Variants in SNRPN observed in about 807,000 individuals in gnomAD.
The protein encoded by SNRPN is small nuclear ribonucleoprotein-associated protein N.
A neutral mutation model predicts 25.2 loss-of-function variants in SNRPN; 7 were observed. That is an observed-to-expected ratio of 0.28 (90% CI 0.16 to 0.52). The LOEUF is 0.52. Ranked by LOEUF, SNRPN falls within the 20% of genes least tolerant of loss-of-function variation. The probability of loss-of-function intolerance (pLI) is 0.96; values close to 1 mark genes in which losing one functional copy is unlikely to be tolerated. For synonymous variants in SNRPN, 124 were observed against 110.6 expected (o/e 1.12, Z -0.76); for missense variants, 196 against 322.5 (o/e 0.61, Z 3.00).
upstream of SNRPN, among the ~76,000 whole-genome samples, chr15:24,951,216 C>A (rs958141657): frequency 6.6e-6 from 1 of 151,972 alleles, no homozygotes; most frequent in Non-Finnish European, 1.5e-5. Context: ...CATATGGTAA[C>A]TTCAGGGTTA....
chr15:24,833,047 G>A (rs1042510011), intron 2 of SNRPN, among the ~76,000 whole-genome samples: 2 of 141,024 alleles, frequency 1.4e-5, no homozygotes, highest in African/African-American at 5.3e-5. Flanking sequence ...GGAGCTTGCA[G>A]TGAGCCAAGA....
intron 1 of SNRPN, among the ~76,000 whole-genome samples, chr15:24,863,094 T>G (rs983006852): frequency 6.6e-6 from 1 of 150,546 alleles, no homozygotes; most frequent in Non-Finnish European, 1.5e-5. Context: ...AGGAAGACAG[T>G]TGGAACAAGT....
Position 24,918,597 on chromosome 15 carries a change from T to TGTGC in SNRPN, c.-504-1414_-504-1413insGTGC, listed in dbSNP as rs1555395844. Among the ~76,000 whole-genome samples, 196 of 91,948 alleles carry TGTGC rather than the reference T, an allele frequency of 2.1e-3. 8 individuals are homozygous for TGTGC. Among genetic ancestry groups the TGTGC allele is most frequent in the Non-Finnish European group, 3.1e-3 (147 of 47,328 alleles). The allele number at this position is 91,948 out of a possible 152,430, so 60.3% of individuals were successfully genotyped here. A position where few individuals can be genotyped will look rare whatever the true frequency, so the allele number is the denominator to read the frequency against. The stretch of plus-strand genomic sequence containing the variant: ...GTATATATATAACATAATATATATG[T>TGTGC]ATATATATAACATAATATATATGTG... On this transcript the variant is annotated intron_variant, in intron 2 of 11. Coordinates refer to the SNRPN transcript ENST00000400097.
intron 3 of SNRPN, among the ~76,000 whole-genome samples, chr15:24,945,756 C>T (rs1434965748): frequency 6.6e-6 from 1 of 152,158 alleles, no homozygotes; most frequent in Non-Finnish European, 1.5e-5. Flanking sequence ...CTGAGCCTAT[C>T]TTGGGATTTT....
Position 24,907,780 on chromosome 15 carries a change from C to T in SNRPN, c.-504-12231C>T, listed in dbSNP as rs188005391. Among the ~76,000 whole-genome samples, 6 of 151,984 alleles carry T rather than the reference C, an allele frequency of 3.9e-5. No individual in the cohort carries two copies. In the East Asian group the frequency reaches 5.9e-4, roughly 15 times the overall value. On this transcript the variant is annotated intron_variant, in intron 2 of 11. Coordinates refer to the SNRPN transcript ENST00000400097. ...CCTTGAAAGCACAGAGTAGGCCAGGCGCGGTGGCTCACACTTGTAATCCCA... is the reference window on the plus strand; with the variant it reads ...CCTTGAAAGCACAGAGTAGGCCAGGTGCGGTGGCTCACACTTGTAATCCCA...
chr15:24,873,499 G>C (rs1397817555), intron 1 of SNRPN, among the ~76,000 whole-genome samples: 3 of 144,490 alleles, frequency 2.1e-5, no homozygotes, highest in Non-Finnish European at 3.0e-5. Context: ...CCAGGCTAGA[G>C]TGCAGTGGTG....
chr15:24,890,785 A>G (rs1488729298), intron 2 of SNRPN, among the ~76,000 whole-genome samples: 1 of 152,248 alleles, frequency 6.6e-6, no homozygotes, highest in Non-Finnish European at 1.5e-5. Flanking sequence ...ACGTTAAGTA[A>G]ATATATTATG....
At chr15:24,928,762 T>C (rs955295090) in intron 3 of SNRPN, among the ~76,000 whole-genome samples, 2 of 152,050 alleles carry the variant, frequency 1.3e-5, no homozygotes, top group African/African-American at 4.8e-5. Context: ...CATGCCATCA[T>C]GCCTAGCTAT....
At chr15:24,848,049 C>T (rs2052359148) in intron 2 of SNRPN, among the ~76,000 whole-genome samples, 2 of 151,978 alleles carry the variant, frequency 1.3e-5, no homozygotes, top group Non-Finnish European at 2.9e-5. Flanking sequence ...TGCATTCGCT[C>T]ATGTCTCCGT....
intron 1 of SNRPN, among the ~76,000 whole-genome samples, chr15:24,956,205 C>CT (rs957743673): frequency 1.3e-5 from 2 of 152,010 alleles, no homozygotes; most frequent in African/African-American, 2.4e-5. Context: ...CTGGGGGTTA[C>CT]TTTTTTTTCA....
At chr15:24,969,534 CTAAT>C (rs1566968665) in intron 3 of SNRPN, among the ~76,000 whole-genome samples, 3 of 152,178 alleles carry the variant, frequency 2.0e-5, no homozygotes, top group Non-Finnish European at 4.4e-5. Context: ...AAATTGGAAT[CTAAT>C]CATTGTCCAA....
intron 2 of SNRPN, among the ~76,000 whole-genome samples, chr15:24,965,535 A>T (rs952321688): frequency 1.3e-5 from 2 of 152,170 alleles, no homozygotes; most frequent in African/African-American, 4.8e-5. Context: ...ACTCCATCTC[A>T]AAATAAAGTA....
At chr15:24,950,635 C>T (rs1042774689), upstream of SNRPN, among the ~76,000 whole-genome samples, 1 of 149,142 alleles carries the variant, frequency 6.7e-6, no homozygotes. Flanking sequence ...GCAGTCTCCA[C>T]CTCTCAGGCT....
intron 2 of SNRPN, among the ~76,000 whole-genome samples, chr15:24,907,026 G>A (rs1299346077): frequency 2.6e-5 from 4 of 151,992 alleles, no homozygotes; most frequent in African/African-American, 7.3e-5. Flanking sequence ...GGAGGCAAGA[G>A]AACTGAAGGG....
chr15:24,954,153 G>A (rs1203816178), upstream of SNRPN, among the ~76,000 whole-genome samples: 1 of 152,144 alleles, frequency 6.6e-6, no homozygotes, highest in African/African-American at 2.4e-5. Context: ...TGATGCTTCC[G>A]TTATTTCTGC....
intron 4 of SNRPN, chr15:24,974,749 G>C: frequency 1.6e-6 from 1 of 609,428 alleles, no homozygotes; most frequent in Admixed American, 2.9e-5. Flanking sequence ...ATTAGAAACA[G>C]GGTTTCACTG....
At chr15:24,840,489 G>C (rs78909994) in intron 2 of SNRPN, among the ~76,000 whole-genome samples, 2,110 of 152,344 alleles carry the variant, frequency 0.014, 52 homozygotes, top group African/African-American at 0.049. Context: ...CTGTGCATCA[G>C]GTTGCACACA....
Position 24,879,952 on chromosome 15 carries a change from G to C in SNRPN, c.-578-6564G>C, listed in dbSNP as rs2056416233. Among the ~76,000 whole-genome samples, 3 of 152,150 alleles carry C rather than the reference G, an allele frequency of 2.0e-5. No homozygotes were observed. The South Asian group carries it at 6.2e-4, about 32-fold the overall frequency. On this transcript the variant is annotated intron_variant, in intron 1 of 11. Coordinates refer to the SNRPN transcript ENST00000400097. ...CTTGGGCTGTTGGAGAGGAGTGGGTGAACCTGTTGAGTTAATCAGCAACTC... is the reference window on the plus strand; with the variant it reads ...CTTGGGCTGTTGGAGAGGAGTGGGTCAACCTGTTGAGTTAATCAGCAACTC...
At chr15:24,920,663 A>AC (rs2059972644) in intron 3 of SNRPN, 1 of 152,234 alleles carries the variant, frequency 6.6e-6, no homozygotes, top group Non-Finnish European at 1.5e-5. Context: ...TTATACACTC[A>AC]AACCCCCTCA....
Sources: gnomAD v4.1 joint callset for allele counts (sites outside exome capture counted in the v4.1 genomes callset) on GRCh38, gnomAD v4.1.1 for gene constraint, MANE v1.5 for transcripts, NCBI Gene and HGNC (gene_info 2026-07-23, HGNC 2026-07-21) for gene names.